SLC2A7: variants seen among roughly 807,000 people sequenced by gnomAD.
SLC2A7 encodes solute carrier family 2 member 7, also known as solute carrier family 2, facilitated glucose transporter member 7.
A neutral mutation model predicts 50.5 loss-of-function variants in SLC2A7; 50 were observed. That is an observed-to-expected ratio of 0.99 (90% CI 0.79 to 1.25). SLC2A7 has a LOEUF of 1.25. Among genes scored for constraint, SLC2A7 ranks in the 50% most tolerant of loss-of-function variants. The pLI, the probability that SLC2A7 is intolerant of heterozygous loss-of-function variation, is 0.00. For synonymous variants in SLC2A7, 308 were observed against 300.4 expected (o/e 1.03, Z -0.26); for missense variants, 683 against 679.1 (o/e 1.01, Z -0.06).
At position 9,015,211 on chromosome 1, in the gene SLC2A7, C is replaced by T. The variant is rs753488188; in HGVS notation, c.621G>A (p.Val207=). Residue 207 remains valine (V), a synonymous_variant, in exon 6 of 12, where the codon GTG becomes GTA. Transcript: ENST00000400906. ...GGGTCAGCAGCTGCAGCAGGGCGGG[C>T]ACCCCTGTGAGCGCCAGAAGCACCG... ...GWPVLLALTG[V]PALLQLLTLP... The T allele has an allele frequency of 6.2e-7, 1 of 1,606,594 alleles. No individual in the cohort carries two copies. The highest frequency in any genetic ancestry group is 1.1e-5 in the South Asian group (1 of 89,896).
chr1:9,003,533 G>T lies in SLC2A7; in HGVS notation c.1321-15C>A. ...CCGATGGCCTCCTAGACCAGGAGACGAGAAAGACAGGAGGGGGCAGAGAAA... is the reference window on the plus strand; with the variant it reads ...CCGATGGCCTCCTAGACCAGGAGACTAGAAAGACAGGAGGGGGCAGAGAAA... On this transcript the variant is annotated splice_polypyrimidine_tract_variant and intron_variant, in intron 11 of 11. Coordinates refer to ENST00000400906, the MANE Select transcript of SLC2A7 (RefSeq NM_207420.3). The T allele has an allele frequency of 6.2e-7, 1 of 1,610,346 alleles. No homozygotes were observed. The highest frequency in any genetic ancestry group is 1.1e-5 in the South Asian group (1 of 90,976).
At chr1:9,018,445 C>G in intron 4 of SLC2A7, 70 bp from the exon 5 acceptor site, 1 of 1,583,272 alleles carries the variant, frequency 6.3e-7, no homozygotes, top group Non-Finnish European at 8.6e-7. Flanking sequence ...AATTCAATTC[C>G]GTTTCCTAAT....
chr1:9,009,649 G>T (rs192238796), intron 9 of SLC2A7, among the ~76,000 whole-genome samples: 21 of 152,178 alleles, frequency 1.4e-4, no homozygotes, highest in African/African-American at 5.1e-4. Flanking sequence ...GTAGAGATGG[G>T]GTCTCACCAT....
At position 9,022,895 on chromosome 1, in the gene SLC2A7, G is replaced by GGAGCAGT. The variant is rs1248848178; in HGVS notation, c.311+16_311+22dup. The GGAGCAGT allele has an allele frequency of 1.5e-5, 24 of 1,609,832 alleles. 1 individual carries two copies. The highest frequency in any genetic ancestry group is 2.2e-5 in the East Asian group (1 of 44,788). On this transcript the variant is annotated intron_variant, in intron 3 of 11. Coordinates refer to ENST00000400906, the MANE Select transcript of SLC2A7 (RefSeq NM_207420.3). ...GGCTTACTAGCATGAATTTTAAGTGGGAGCAGTGCACCTTCTGTTTACCTG... is the reference window on the plus strand; with the variant it reads ...GGCTTACTAGCATGAATTTTAAGTGGGAGCAGTGAGCAGTGCACCTTCTGTTTACCTG...
At chr1:9,011,928 T>G (rs1474176078) in intron 8 of SLC2A7, among the ~76,000 whole-genome samples, 1 of 151,866 alleles carries the variant, frequency 6.6e-6, no homozygotes, top group Non-Finnish European at 1.5e-5. Context: ...TTTTGTATTT[T>G]CAGTACAGAT....
chr1:9,009,519 C>T (rs12126873), intron 9 of SLC2A7, among the ~76,000 whole-genome samples: 18,426 of 152,190 alleles, frequency 0.12, 1,255 homozygotes, highest in Admixed American at 0.2. Context: ...TACAATGGTG[C>T]GATCATGGCT....
chr1:8,994,028 A>T, the SLC2A7 span, among the ~76,000 whole-genome samples: 1 of 152,238 alleles, frequency 6.6e-6, no homozygotes. Context: ...GCATTAATAG[A>T]TACTGAATTT....
rs763788550 is a variant in SLC2A7 at position 9,018,361 on chromosome 1, C to T, written c.451G>A (p.Ala151Thr). 68 of 1,614,032 alleles carry T rather than the reference C, an allele frequency of 4.2e-5. No individual in the cohort carries two copies. Among genetic ancestry groups the T allele is most frequent in the East Asian group, 6.7e-5 (3 of 44,900 alleles). Residue 151 changes from alanine to threonine, a missense_variant, in exon 5 of 12, where the codon GCC becomes ACC. Ala to Thr is a moderately conservative substitution (Grantham distance 58). Coordinates refer to ENST00000400906, the MANE Select transcript of SLC2A7 (RefSeq NM_207420.3). ...LGVCAGISYS[A>T]LPMYLGELAP... ...AGTTCTCCCAGGTACATGGGAAGGGCGCTGTAGGAGATGCCTGGTTTGGGC... is the reference window on the plus strand; with the variant it reads ...AGTTCTCCCAGGTACATGGGAAGGGTGCTGTAGGAGATGCCTGGTTTGGGC...
At chr1:9,018,427 T>C in intron 4 of SLC2A7, 52 bp from the exon 5 acceptor site, 1 of 1,605,692 alleles carries the variant, frequency 6.2e-7, no homozygotes, top group East Asian at 2.2e-5. Context: ...ACGCAGAATC[T>C]GAGATGCAAT....
chr1:9,010,100 T>C, intron 9 of SLC2A7, 43 bp downstream of exon 9: 1 of 860,068 alleles, frequency 1.2e-6, no homozygotes, highest in Non-Finnish European at 1.8e-6. Context: ...CCTCCCACCC[T>C]CCCCATGACT....
chr1:9,000,978 C>A (rs1368239192), downstream of SLC2A7, among the ~76,000 whole-genome samples: 2 of 152,100 alleles, frequency 1.3e-5, no homozygotes, highest in Non-Finnish European at 2.9e-5. Context: ...AGAAGCCATT[C>A]CCACCGAGTC....
chr1:9,001,966 C>G (rs58957717), downstream of SLC2A7, among the ~76,000 whole-genome samples: 16,886 of 152,208 alleles, frequency 0.11, 950 homozygotes, highest in African/African-American at 0.13. Context: ...ACCCTGTGCT[C>G]GCAGAAACAT....
At chr1:8,995,130 GACAGTGTGGCTT>G in the SLC2A7 span, among the ~76,000 whole-genome samples, 1 of 150,892 alleles carries the variant, frequency 6.6e-6, no homozygotes, top group African/African-American at 2.4e-5. Context: ...AACGCCAAAA[GACAGTGTGGCTT>G]ACTAGCATAT....
chr1:9,015,365 G>A, intron 5 of SLC2A7, 123 bp from the exon 6 acceptor site: 1 of 1,262,452 alleles, frequency 7.9e-7, no homozygotes, highest in Non-Finnish European at 1.1e-6. Flanking sequence ...ATTCTCACCA[G>A]GGTACTCCTA....
chr1:9,019,445 G>A (rs746247401), intron 3 of SLC2A7, 112 bp from the exon 4 acceptor site: 347 of 1,442,028 alleles, frequency 2.4e-4, no homozygotes, highest in African/African-American at 8.8e-4. Context: ...GAATGTGCCC[G>A]AGAAAGAGCT....
At chr1:9,018,868 A>G (rs1334257158) in intron 4 of SLC2A7, among the ~76,000 whole-genome samples, 1 of 152,164 alleles carries the variant, frequency 6.6e-6, no homozygotes, top group Non-Finnish European at 1.5e-5. Context: ...AGATCCATAA[A>G]TAAAGGGAAG....
chr1:9,012,108 C>T (rs1364724896), intron 8 of SLC2A7, among the ~76,000 whole-genome samples: 9 of 152,098 alleles, frequency 5.9e-5, no homozygotes, highest in Non-Finnish European at 1.2e-4. Flanking sequence ...TGACCAGAGC[C>T]GGCCCTGTAC....
chr1:9,024,943 GCCC>G, intron 2 of SLC2A7, 30 bp downstream of exon 2: 2 of 1,582,212 alleles, frequency 1.3e-6, no homozygotes, highest in Non-Finnish European at 1.7e-6. Flanking sequence ...GTCAGCTGCT[GCCC>G]GGCCCACCTT....
intron 5 of SLC2A7, among the ~76,000 whole-genome samples, chr1:9,017,815 C>G (rs752736547): frequency 6.6e-6 from 1 of 152,164 alleles, no homozygotes; most frequent in South Asian, 2.1e-4. Flanking sequence ...ATAGAGGCCG[C>G]CAGAAGAAAA....
Sources: gnomAD v4.1 joint callset for allele counts (sites outside exome capture counted in the v4.1 genomes callset) on GRCh38, gnomAD v4.1.1 for gene constraint, MANE v1.5 for transcripts, NCBI Gene and HGNC (gene_info 2026-07-23, HGNC 2026-07-21) for gene names.